DYNC2H1: variants seen among roughly 807,000 people sequenced by gnomAD.
DYNC2H1 encodes dynein cytoplasmic 2 heavy chain 1, also known as cytoplasmic dynein 2 heavy chain 1.
DYNC2H1 carries 410 observed loss-of-function variants against 570.0 expected under a neutral mutation model. The ratio of observed to expected loss-of-function variants is 0.72; its 90% confidence interval spans 0.66 to 0.78. The LOEUF is 0.78. Ranked by LOEUF, DYNC2H1 falls within the 30% of genes least tolerant of loss-of-function variation. DYNC2H1 has a pLI of 0.00. For missense variants in DYNC2H1, 4,865 were observed against 5,046.4 expected, an observed-to-expected ratio of 0.96 and a Z score of 1.09; for synonymous variants, 1,688 against 1,677.6, an observed-to-expected ratio of 1.01 and a Z score of -0.15.
At position 103,251,449 on chromosome 11, in the gene DYNC2H1, T is replaced by C. The variant is rs115749393; in HGVS notation, c.10043-1836T>C. Among the ~76,000 whole-genome samples the C allele has an allele frequency of 7.1e-4, 108 of 152,304 alleles. 2 individuals are homozygous for C. The highest frequency in any genetic ancestry group is 2.6e-3 in the African/African-American group (108 of 41,576). On this transcript the variant is annotated intron_variant, in intron 65 of 88. Coordinates refer to ENST00000375735, the MANE Select transcript of DYNC2H1 (RefSeq NM_001377.3). ...CATATTTAAGATTTACAGCATTATA[T>C]TATGAGATACATATATATCATAAAA...
intron 45 of DYNC2H1, among the ~76,000 whole-genome samples, chr11:103,191,016 GTA>G (rs67210899): frequency 0.02 from 2,278 of 114,228 alleles, 32 homozygotes; most frequent in Non-Finnish European, 0.029. Context: ...TAGAATATAT[GTA>G]TATATATATA....
At chr11:103,295,403 G>A (rs542545190) in intron 75 of DYNC2H1, among the ~76,000 whole-genome samples, 82 of 152,320 alleles carry the variant, frequency 5.4e-4, no homozygotes, top group African/African-American at 1.9e-3. Flanking sequence ...GAAAAGCCTC[G>A]ATAAACAACT....
chr11:103,206,032 T>C (rs1862908827), intron 52 of DYNC2H1, among the ~76,000 whole-genome samples: 1 of 152,176 alleles, frequency 6.6e-6, no homozygotes, highest in South Asian at 2.1e-4. Flanking sequence ...AAGTAGACTA[T>C]AGAGAGCAAT....
In DYNC2H1 at chr11:103,252,052, GTAT is replaced by G. The variant is rs1257353225; in HGVS notation, c.10043-1232_10043-1230del. ...TGATCCTCTGGCCTCAGCCTCCTGA[GTAT>G]GTTGGACTATAGGCACATACCATCA... is the stretch of plus-strand genomic sequence containing the variant. On this transcript the variant is annotated intron_variant, in intron 65 of 88. Transcript: ENST00000375735. The surrounding 1 kb of genome is among the most constrained non-coding windows in gnomAD (Gnocchi z 4.6). Among the ~76,000 whole-genome samples the G allele has an allele frequency of 2.0e-5, 3 of 151,850 alleles. No homozygotes were observed. The highest frequency in any genetic ancestry group is 7.3e-5 in the African/African-American group (3 of 41,334).
chr11:103,330,509 C>T (rs1938722664), intron 82 of DYNC2H1, among the ~76,000 whole-genome samples: 1 of 74,302 alleles, frequency 1.3e-5, no homozygotes, highest in South Asian at 3.9e-4. Flanking sequence ...TTGGTTAAAA[C>T]AGACTTTTGT....
rs752497916 is a variant in DYNC2H1, at chr11:103,399,794, T to G, written c.12288T>G (p.Ala4096=). 5 of 1,613,844 alleles carry G rather than the reference T, an allele frequency of 3.1e-6. No homozygotes were observed. The highest frequency in any genetic ancestry group is 3.4e-6 in the Non-Finnish European group (4 of 1,179,874). Residue 4096 remains alanine (A), a synonymous_variant, in exon 84 of 89, where the codon GCT becomes GCG. Transcript: ENST00000375735. Reference sequence around the variant, plus strand: ...AAAGTGTCCACCAGTCTCTTGCTGCTCTCAGCAAAGTCATCAGAGGAACTA... The same window carrying G: ...AAAGTGTCCACCAGTCTCTTGCTGCGCTCAGCAAAGTCATCAGAGGAACTA... ...LVQSVHQSLA[A]LSKVIRGTTL...
intron 85 of DYNC2H1, among the ~76,000 whole-genome samples, chr11:103,441,195 C>G (rs11225798): frequency 0.1 from 15,713 of 151,824 alleles, 1,000 homozygotes; most frequent in Non-Finnish European, 0.15. Context: ...AAACCCAGCT[C>G]GCTCCCTCTC....
chr11:103,286,080 T>C (rs1268329718), intron 73 of DYNC2H1, among the ~76,000 whole-genome samples, 175 bp from the exon 74 acceptor site: 1 of 152,232 alleles, frequency 6.6e-6, no homozygotes, highest in Non-Finnish European at 1.5e-5. Context: ...GCTTTAATAT[T>C]AGGTGAGTTT....
chr11:103,381,417 A>G (rs1429293436), intron 83 of DYNC2H1, among the ~76,000 whole-genome samples: 2 of 152,022 alleles, frequency 1.3e-5, no homozygotes, highest in Non-Finnish European at 2.9e-5. Flanking sequence ...TGACATTGCC[A>G]TATTCAATAT....
In DYNC2H1 at chr11:103,406,136, T is replaced by A. The variant is rs374856089; in HGVS notation, c.12366+6264T>A. 10 of 152,150 alleles carry A rather than the reference T, an allele frequency of 6.6e-5. No individual in the cohort carries two copies. The East Asian group carries it at 1.7e-3, about 26-fold the overall frequency. 9.4% of individuals were successfully genotyped at this position (152,150 alleles called of 1,614,324 possible). A position where few individuals can be genotyped will look rare whatever the true frequency, so the allele number is the denominator to read the frequency against. The stretch of plus-strand genomic sequence containing the variant: ...TGATGCAGAATAGTCTTGCAGTCCT[T>A]AGATCTGTTACAGAAATTAAGTGTA... On this transcript the variant is annotated intron_variant, in intron 84 of 88. Transcript: ENST00000375735.
rs547456005 is a variant in DYNC2H1, at chr11:103,387,115, C to A, written c.12157-12548C>A. Among the ~76,000 whole-genome samples, 753 of 152,256 alleles carry A rather than the reference C, an allele frequency of 4.9e-3. 6 individuals carry two copies. Among genetic ancestry groups the A allele is most frequent in the African/African-American group, 0.017 (719 of 41,540 alleles). ...TGGTTGAACTAGTTTACAGTCCCAC[C>A]AACAGTGTAAAAGTGCTCCTATTTC... is the stretch of plus-strand genomic sequence containing the variant. On this transcript the variant is annotated intron_variant, in intron 83 of 88. Transcript: ENST00000375735.
intron 84 of DYNC2H1, among the ~76,000 whole-genome samples, chr11:103,423,865 A>G (rs981142203): frequency 1.3e-5 from 2 of 152,114 alleles, no homozygotes; most frequent in African/African-American, 2.4e-5. Flanking sequence ...ATATCAATAT[A>G]TAAAGATCAG....
chr11:103,417,873 C>T (rs1943343507), intron 84 of DYNC2H1, among the ~76,000 whole-genome samples: 1 of 94,302 alleles, frequency 1.1e-5, no homozygotes, highest in African/African-American at 5.5e-5. Flanking sequence ...GAGACTCCAT[C>T]TCAAAAAAAA....
rs1409086758 is a variant in DYNC2H1 at position 103,152,294 on chromosome 11, C to G, written c.3096+9C>G. 1 of 1,566,504 alleles carries G rather than the reference C, an allele frequency of 6.4e-7. No homozygotes were observed. On this transcript the variant is annotated intron_variant, in intron 21 of 88. Coordinates refer to ENST00000375735, the MANE Select transcript of DYNC2H1 (RefSeq NM_001377.3). ...TTATGATTAAAGACCAGGTTAGAAT[C>G]TTTTAATTATTTATTAAAATGGGAA...
chr11:103,282,877 T>C (rs1313962785), intron 72 of DYNC2H1, 131 bp from the exon 73 acceptor site: 4 of 654,746 alleles, frequency 6.1e-6, no homozygotes, highest in African/African-American at 1.9e-5. Context: ...ACTTGTAAAA[T>C]ACATAAAAAT....
In DYNC2H1 at chr11:103,253,355, A is replaced by C; in HGVS notation, c.10113A>C (p.Ser3371=). 2 of 1,613,438 alleles carry C rather than the reference A, an allele frequency of 1.2e-6. No individual in the cohort carries two copies. Among genetic ancestry groups the C allele is most frequent in the Non-Finnish European group, 1.7e-6 (2 of 1,179,554 alleles). The part of the protein sequence containing the change: ...DYNEEFRLFL[S]TRNPNPFIPP... ...ATGAAGAATTCCGCCTCTTTTTGTC[A>C]ACAAGAAACCCAAATCCTTTTATTC... Residue 3371 remains serine, a synonymous_variant, in exon 66 of 89, where the codon TCA becomes TCC. Transcript: ENST00000375735.
At chr11:103,246,446 G>A (rs555590292) in intron 65 of DYNC2H1, among the ~76,000 whole-genome samples, 1 of 152,086 alleles carries the variant, frequency 6.6e-6, no homozygotes, top group Admixed American at 6.6e-5. Flanking sequence ...GGTATGTGTG[G>A]CATTGTCTGA....
chr11:103,174,144 TA>T lies in DYNC2H1; in HGVS notation c.5651del (p.Asn1884ThrfsTer19). The T allele has an allele frequency of 6.3e-7, 1 of 1,581,504 alleles. No homozygotes were observed. Among genetic ancestry groups the T allele is most frequent in the Non-Finnish European group, 8.6e-7 (1 of 1,162,126 alleles). ...LRGSGNLLRQ[L>X]NKSGTTQNAN... ...GGAAGTGGAAATCTCCTTAGACAGCTAAACAAAAGTGGCACTACACAGAATG... is the reference window on the plus strand; with the variant it reads ...GGAAGTGGAAATCTCCTTAGACAGCTAACAAAAGTGGCACTACACAGAATG... On this transcript the variant is annotated frameshift_variant, in exon 36 of 89. Coordinates refer to ENST00000375735, the MANE Select transcript of DYNC2H1 (RefSeq NM_001377.3). LOFTEE classifies it high-confidence loss of function.
chr11:103,463,306 C>A (rs905275562), intron 87 of DYNC2H1, among the ~76,000 whole-genome samples: 4 of 152,002 alleles, frequency 2.6e-5, no homozygotes, highest in African/African-American at 7.3e-5. Context: ...AGCTATAAGT[C>A]CAGAATTAGG....
Sources: gnomAD v4.1 joint callset for allele counts (sites outside exome capture counted in the v4.1 genomes callset) on GRCh38, gnomAD v4.1.1 for gene constraint, Gnocchi (gnomAD v3.1) non-coding constraint, MANE v1.5 for transcripts, NCBI Gene and HGNC (gene_info 2026-07-23, HGNC 2026-07-21) for gene names.